STK38: variants seen among roughly 807,000 people sequenced by gnomAD.
STK38 encodes serine/threonine-protein kinase 38.
In STK38, 26 loss-of-function variants were observed where a neutral mutation model predicts 59.0. The observed-to-expected ratio is 0.44, with a 90% CI of 0.32 to 0.61. The LOEUF (loss-of-function observed/expected upper bound fraction) is 0.61. Ranked by LOEUF, STK38 falls within the 20% of genes least tolerant of loss-of-function variation. The pLI is 0.04. For synonymous variants in STK38, 175 were observed against 176.6 expected (o/e 0.99, Z 0.07); for missense variants, 433 against 566.0 (o/e 0.76, Z 2.38).
intron 2 of STK38, among the ~76,000 whole-genome samples, chr6:36,534,731 TA>T (rs1777745937): frequency 6.6e-6 from 1 of 151,506 alleles, no homozygotes; most frequent in African/African-American, 2.4e-5. Context: ...GCATCTTTAG[TA>T]AAACAGTGAG....
At chr6:36,497,985 G>C (rs1236835196) in intron 11 of STK38, 110 bp from the exon 12 acceptor site, 1 of 739,366 alleles carries the variant, frequency 1.4e-6, no homozygotes, top group Admixed American at 2.9e-5. Context: ...TGTCACCCAG[G>C]CTGGAGTGCA....
chr6:36,495,867 C>A lies in STK38; in HGVS notation c.1315G>T (p.Val439Phe). Residue 439 changes from valine to phenylalanine, a missense_variant, in exon 14 of 14, where the codon GTC becomes TTC. Transcript: ENST00000229812. The part of the protein sequence containing the change: ...PETDYKNKDW[V>F]FINYTYKRFE... Reference sequence around the variant, plus strand: ...CGCTTGTACGTGTAATTGATGAAGACCCAGTCTTTGTTCTTGTAGTCAGTC... The same window carrying A: ...CGCTTGTACGTGTAATTGATGAAGAACCAGTCTTTGTTCTTGTAGTCAGTC... 1.2e-6 allele frequency: 2 copies of A among 1,613,966 alleles called. No homozygotes were observed. The highest frequency in any genetic ancestry group is 4.5e-5 in the East Asian group (2 of 44,868).
chr6:36,529,567 T>C (rs1249547209), intron 2 of STK38, among the ~76,000 whole-genome samples: 1 of 152,160 alleles, frequency 6.6e-6, no homozygotes, highest in Non-Finnish European at 1.5e-5. Flanking sequence ...AGAGGCCATA[T>C]CCAGCCTCAC....
At chr6:36,525,524 C>A in intron 3 of STK38, 67 bp downstream of exon 3, 1 of 1,458,042 alleles carries the variant, frequency 6.9e-7, no homozygotes, top group Non-Finnish European at 9.6e-7. Context: ...CCAAGGCTAA[C>A]AACTCACTGG....
chr6:36,515,197 A>C (rs1300119537), intron 7 of STK38, 141 bp downstream of exon 7: 1 of 885,794 alleles, frequency 1.1e-6, no homozygotes, highest in Non-Finnish European at 1.7e-6. Context: ...CAGCAAACTT[A>C]CCTGTTTAAA....
chr6:36,521,676 A>G, intron 5 of STK38, 58 bp downstream of exon 5: 2 of 1,335,246 alleles, frequency 1.5e-6, no homozygotes, highest in Non-Finnish European at 2.0e-6. Flanking sequence ...AAACAAAAAG[A>G]AAAGTTTTAG....
rs950067660 is a variant in STK38 at position 36,495,676 on chromosome 6, A to G, written c.*108T>C. On this transcript the variant is annotated 3_prime_UTR_variant, in exon 14 of 14. Coordinates refer to ENST00000229812, the MANE Select transcript of STK38 (RefSeq NM_007271.4). Reference sequence around the variant, plus strand: ...ACATTTCAGGAGACTTTACTATGACATATTGGTGGGTTCCATCAACTTCTT... The same window carrying G: ...ACATTTCAGGAGACTTTACTATGACGTATTGGTGGGTTCCATCAACTTCTT... The G allele has an allele frequency of 3.5e-6, 5 of 1,437,470 alleles. No homozygotes were observed. Among genetic ancestry groups the G allele is most frequent in the Non-Finnish European group, 4.8e-6 (5 of 1,051,228 alleles). 89.0% of individuals were successfully genotyped at this position (1,437,470 alleles called of 1,614,324 possible).
At chr6:36,503,837 C>G (rs1161931127) in intron 9 of STK38, among the ~76,000 whole-genome samples, 1 of 152,172 alleles carries the variant, frequency 6.6e-6, no homozygotes, top group South Asian at 2.1e-4. Flanking sequence ...GCCACTGGAG[C>G]TCGCTCGCAT....
chr6:36,542,024 G>A (rs959574631), intron 1 of STK38, among the ~76,000 whole-genome samples: 5 of 151,574 alleles, frequency 3.3e-5, no homozygotes, highest in African/African-American at 1.2e-4. Flanking sequence ...CAGTAGAGAC[G>A]GGGTTTCACC....
rs1835571425 is a variant in STK38 at position 36,495,363 on chromosome 6, A to G, written c.*421T>C. The G allele has an allele frequency of 1.2e-5, 2 of 167,908 alleles. No individual in the cohort carries two copies. The highest frequency in any genetic ancestry group is 4.8e-5 in the African/African-American group (2 of 41,742). The allele number at this position is 167,908 out of a possible 1,614,324, so 10.4% of individuals were successfully genotyped here. On this transcript the variant is annotated 3_prime_UTR_variant, in exon 14 of 14. Transcript: ENST00000229812. ...TTAGTACTATGGAACTTTTAGCTAT[A>G]AAGGAAATACTTGGTGGGCTTGGCA...
chr6:36,521,925 C>A, intron 4 of STK38, 108 bp from the exon 5 acceptor site: 1 of 811,068 alleles, frequency 1.2e-6, no homozygotes, highest in Admixed American at 2.6e-5. Context: ...ACAATTTTAA[C>A]ATGAGCAACT....
At chr6:36,508,451 A>G (rs1348376596) in intron 7 of STK38, among the ~76,000 whole-genome samples, 1 of 152,250 alleles carries the variant, frequency 6.6e-6, no homozygotes, top group Admixed American at 6.5e-5. Context: ...AATGAAGAGT[A>G]AATCTTTTCA....
chr6:36,542,014 C>A (rs1434586600), intron 1 of STK38, among the ~76,000 whole-genome samples: 1 of 151,178 alleles, frequency 6.6e-6, no homozygotes, highest in Non-Finnish European at 1.5e-5. Flanking sequence ...TTTGTATTTT[C>A]AGTAGAGACG....
At chr6:36,511,746 C>T (rs980230267) in intron 7 of STK38, among the ~76,000 whole-genome samples, 7 of 151,950 alleles carry the variant, frequency 4.6e-5, no homozygotes, top group African/African-American at 1.7e-4. Flanking sequence ...ACCTGGACAA[C>T]TCTAAGAAAG....
chr6:36,541,853 G>C (rs1278378084), intron 1 of STK38, among the ~76,000 whole-genome samples: 4 of 147,224 alleles, frequency 2.7e-5, no homozygotes, highest in Non-Finnish European at 3.0e-5. Context: ...TTTTGAGATG[G>C]AGTCTCACTC....
intron 2 of STK38, among the ~76,000 whole-genome samples, chr6:36,528,988 A>G (rs1168974412): frequency 2.0e-5 from 3 of 152,330 alleles, no homozygotes; most frequent in South Asian, 2.1e-4. Flanking sequence ...ACACAATCAG[A>G]TTATTTCATT....
Position 36,540,178 on chromosome 6 carries a change from A to C in STK38, c.25T>G (p.Cys9Gly), listed in dbSNP as rs866461802. The stretch of plus-strand genomic sequence containing the variant: ...TTTGTGTGGTTACTCATGGATGAGC[A>C]AGGTGTTGAGCCTGTCATTGCCATG... MAMTGSTP[C>G]SSMSNHTKER... Residue 9 changes from cysteine (C) to glycine (G), a missense_variant, in exon 2 of 14, where the codon TGC becomes GGC. Cys to Gly is a radical substitution (Grantham distance 159). Transcript: ENST00000229812. The C allele has an allele frequency of 1.9e-6, 3 of 1,614,058 alleles. No homozygotes were observed. Among genetic ancestry groups the C allele is most frequent in the Middle Eastern group, 1.7e-4 (1 of 6,060 alleles).
rs1373609028 is a variant in STK38, at chr6:36,507,563, G to A, written c.709C>T (p.Leu237=). ...AATTCTGTCCTATGTGCTTTTTTCA[G>A]TCCTGTGCAAAGACCAAAGTCAGAA... ...KLSDFGLCTG[L]KKAHRTEFYR... The change falls in exon 8 of 14, where the codon CTG becomes TTG. Residue 237 remains leucine (L), a synonymous_variant. Transcript: ENST00000229812. 11 of 1,614,050 alleles carry A rather than the reference G, an allele frequency of 6.8e-6. No homozygotes were observed. The highest frequency in any genetic ancestry group is 9.3e-6 in the Non-Finnish European group (11 of 1,179,992).
intron 7 of STK38, among the ~76,000 whole-genome samples, chr6:36,508,626 CT>C (rs1345509727): frequency 6.6e-6 from 1 of 152,212 alleles, no homozygotes; most frequent in African/African-American, 2.4e-5. Context: ...TCATTGATGC[CT>C]TTACCCGAGT....
Sources: allele counts gnomAD v4.1 joint callset (sites outside exome capture counted in the v4.1 genomes callset), GRCh38; gene constraint gnomAD v4.1.1; transcripts MANE v1.5; gene names NCBI Gene and HGNC (gene_info 2026-07-23, HGNC 2026-07-21).